The following OSBPL6 variants were observed in gnomAD, a reference collection of about 807,000 sequenced individuals.
OSBPL6 encodes the protein oxysterol binding protein like 6, also known as oxysterol-binding protein-related protein 6.
In OSBPL6, 49 loss-of-function variants were observed where a neutral mutation model predicts 125.8. The observed-to-expected ratio is 0.39, with a 90% CI of 0.31 to 0.49. The LOEUF (loss-of-function observed/expected upper bound fraction) is 0.49. Ranked by LOEUF, OSBPL6 falls within the 20% of genes least tolerant of loss-of-function variation. The pLI, the probability that OSBPL6 is intolerant of heterozygous loss-of-function variation, is 0.88. For synonymous variants in OSBPL6, 394 were observed against 391.8 expected (o/e 1.01, Z -0.07); for missense variants, 986 against 1,135.4 (o/e 0.87, Z 1.89).
At chr2:178,344,266 C>A in intron 11 of OSBPL6, 7 of 1,608,952 alleles carry the variant, frequency 4.4e-6, no homozygotes, top group Non-Finnish European at 6.0e-6. Context: ...TTCCTCCCCT[C>A]TTCTCCCATT....
intron 3 of OSBPL6, among the ~76,000 whole-genome samples, chr2:178,313,228 A>G (rs1687448201): frequency 6.6e-6 from 1 of 152,214 alleles, no homozygotes; most frequent in Non-Finnish European, 1.5e-5. Flanking sequence ...TTTTAACAAA[A>G]TATATGTTTC....
chr2:178,339,570 C>G (rs1690013523), intron 10 of OSBPL6, 102 bp from the exon 11 acceptor site: 2 of 878,458 alleles, frequency 2.3e-6, no homozygotes, highest in East Asian at 3.2e-5. Context: ...CTTATAGGCT[C>G]TAACAATGAC....
At chr2:178,255,466 C>T (rs187022052) in intron 1 of OSBPL6, among the ~76,000 whole-genome samples, 1 of 152,346 alleles carries the variant, frequency 6.6e-6, no homozygotes, top group East Asian at 1.9e-4. Flanking sequence ...CACTGGGTCT[C>T]TCCCATGACA....
chr2:178,223,867 C>T (rs2090441829), intron 1 of OSBPL6, among the ~76,000 whole-genome samples: 1 of 152,162 alleles, frequency 6.6e-6, no homozygotes, highest in South Asian at 2.1e-4. Context: ...TTTTCTGAGC[C>T]TTTGGCTGAT....
Position 178,373,956 on chromosome 2 carries a change from A to G in OSBPL6, c.1462A>G (p.Met488Val). The G allele has an allele frequency of 6.2e-7, 1 of 1,614,150 alleles. No individual in the cohort carries two copies. The highest frequency in any genetic ancestry group is 8.5e-7 in the Non-Finnish European group (1 of 1,179,984). ...QQVANESRLS[M>V]SESVSEFFDA... Reference sequence around the variant, plus strand: ...AGTAGCCAATGAGAGCCGCCTCTCCATGTCAGAGTCTGTTTCTGAGTTCTT... The same window carrying G: ...AGTAGCCAATGAGAGCCGCCTCTCCGTGTCAGAGTCTGTTTCTGAGTTCTT... The change falls in exon 15 of 25, where the codon ATG (methionine) becomes GTG (valine). Residue 488 changes from methionine (M) to valine (V), a missense_variant. Physicochemically the swap from Met to Val is conservative, Grantham distance 21. Coordinates refer to ENST00000190611, the MANE Select transcript of OSBPL6 (RefSeq NM_032523.4).
At chr2:178,332,151 A>C (rs912311868) in intron 6 of OSBPL6, among the ~76,000 whole-genome samples, 10 of 152,128 alleles carry the variant, frequency 6.6e-5, no homozygotes, top group Non-Finnish European at 1.5e-4. Flanking sequence ...TTTTGTCCCC[A>C]TCCCTGCCAT....
intron 1 of OSBPL6, among the ~76,000 whole-genome samples, chr2:178,214,396 A>G (rs1305961718): frequency 4.6e-5 from 7 of 152,194 alleles, no homozygotes; most frequent in Non-Finnish European, 8.8e-5. Flanking sequence ...CCAATAGAAG[A>G]TAAAAGATTT....
intron 11 of OSBPL6, among the ~76,000 whole-genome samples, chr2:178,341,198 T>A (rs1690159947): frequency 6.6e-6 from 1 of 152,014 alleles, no homozygotes; most frequent in African/African-American, 2.4e-5. Flanking sequence ...TAATCTTGTG[T>A]CTGTAGTGTA....
intron 13 of OSBPL6, among the ~76,000 whole-genome samples, chr2:178,366,778 C>A (rs866364723): frequency 1.8e-4 from 28 of 152,192 alleles, no homozygotes; most frequent in African/African-American, 6.8e-4. Context: ...TCCTTAATTT[C>A]ATAGTTCCCT....
At chr2:178,312,544 C>T (rs1574838803) in intron 3 of OSBPL6, among the ~76,000 whole-genome samples, 1 of 152,178 alleles carries the variant, frequency 6.6e-6, no homozygotes, top group South Asian at 2.1e-4. Context: ...CAACCTCCGC[C>T]TCCCAGGTTC....
intron 5 of OSBPL6, among the ~76,000 whole-genome samples, chr2:178,329,453 C>T (rs1343847676): frequency 2.0e-5 from 3 of 148,190 alleles, no homozygotes; most frequent in Non-Finnish European, 3.0e-5. Context: ...CTCACTCTGT[C>T]ACCCAGGCTG....
intron 1 of OSBPL6, among the ~76,000 whole-genome samples, chr2:178,258,303 G>A (rs1207027400): frequency 6.6e-6 from 1 of 151,636 alleles, no homozygotes; most frequent in African/African-American, 2.4e-5. Flanking sequence ...GTTTTGCCAT[G>A]TTGGCTGGTC....
At chr2:178,294,415 A>G (rs964961536) in intron 2 of OSBPL6, among the ~76,000 whole-genome samples, 33 of 152,216 alleles carry the variant, frequency 2.2e-4, no homozygotes, top group Non-Finnish European at 4.1e-4. Flanking sequence ...ATAATACATG[A>G]TAACAGACGT....
intron 1 of OSBPL6, among the ~76,000 whole-genome samples, chr2:178,204,025 C>A (rs200606402): frequency 7.8e-6 from 1 of 129,004 alleles, no homozygotes; most frequent in Non-Finnish European, 1.6e-5. Context: ...TTTTCTTTTT[C>A]TTTTTTTTTT....
chr2:178,349,342 C>A lies in OSBPL6; in HGVS notation c.1106C>A (p.Thr369Lys), dbSNP rs548010014. 1.2e-6 allele frequency: 2 copies of A among 1,614,150 alleles called. No individual in the cohort carries two copies. The highest frequency in any genetic ancestry group is 4.5e-5 in the East Asian group (2 of 44,880). The change falls in exon 12 of 25, where the codon ACA becomes AAA. Residue 369 changes from threonine to lysine, a missense_variant. By Grantham distance (78) the Thr-to-Lys change is moderately conservative. This residue lies in a region of OSBPL6 where 843 missense variants were observed against 997.3 expected (regional missense o/e 0.85). Coordinates refer to ENST00000190611, the MANE Select transcript of OSBPL6 (RefSeq NM_032523.4). The stretch of plus-strand genomic sequence containing the variant: ...CTCACTGACCCTCTGGAAAGTTCAA[C>A]AGATTATACAAAGCTGCAAGAAGAA... ...SHLTDPLESS[T>K]DYTKLQEEFC... is the part of the protein sequence containing the mutation.
At chr2:178,276,782 G>GTTTT (rs60096710) in intron 1 of OSBPL6, among the ~76,000 whole-genome samples, 1 of 138,144 alleles carries the variant, frequency 7.2e-6, no homozygotes, top group Non-Finnish European at 1.6e-5. Context: ...CACTAGAAGA[G>GTTTT]TTTTTTTTTT....
At chr2:178,250,224 G>A (rs1013156713) in intron 1 of OSBPL6, among the ~76,000 whole-genome samples, 76 of 152,260 alleles carry the variant, frequency 5.0e-4, no homozygotes, top group Non-Finnish European at 2.4e-4. Context: ...TCTTATCTTA[G>A]TAAATGGTAC....
rs115142950 is a variant in OSBPL6 at position 178,402,072 on chromosome 2, T to C, written c.*6513T>C. 0.026 allele frequency: 3,929 copies of C among 151,980 alleles called. 72 individuals are homozygous for C. Among genetic ancestry groups the C allele is most frequent in the Admixed American group, 0.037 (568 of 15,270 alleles). The allele number at this position is 151,980 out of a possible 1,614,324, so 9.4% of individuals were successfully genotyped here. ...GTGAGCTATGATTGCACCACTGCCC[T>C]GAGCCTGGACGACAGAGCAAGTTCC... is the stretch of plus-strand genomic sequence containing the variant. On this transcript the variant is annotated 3_prime_UTR_variant, in exon 25 of 25. Transcript: ENST00000190611.
intron 12 of OSBPL6, among the ~76,000 whole-genome samples, chr2:178,354,393 T>A (rs956449290): frequency 2.0e-5 from 3 of 151,900 alleles, no homozygotes; most frequent in Non-Finnish European, 4.4e-5. Flanking sequence ...TGGAGGAAGA[T>A]CTACCAAGCA....
Sources: allele counts gnomAD v4.1 joint callset (sites outside exome capture counted in the v4.1 genomes callset), GRCh38; gene constraint gnomAD v4.1.1; regional missense constraint gnomAD v4.1.1; transcripts MANE v1.5; gene names NCBI Gene and HGNC (gene_info 2026-07-23, HGNC 2026-07-21).